Variants in AIG1 observed in about 807,000 individuals in gnomAD.
AIG1 encodes androgen-induced gene 1 protein.
Under a neutral mutation model 31.4 loss-of-function variants are expected in AIG1, and 23 were observed. The observed-to-expected ratio is 0.73, with a 90% CI of 0.53 to 1.04. The LOEUF is 1.04. Among genes scored for constraint, AIG1 ranks in the 50% least tolerant of loss-of-function variants. The probability of loss-of-function intolerance (pLI) is 0.00; values close to 1 mark genes in which losing one functional copy is unlikely to be tolerated. For synonymous variants in AIG1, 100 were observed against 110.5 expected, an observed-to-expected ratio of 0.90 and a Z score of 0.60; for missense variants, 274 against 295.0, an observed-to-expected ratio of 0.93 and a Z score of 0.52.
chr6:143,304,229 C>A (rs1181789294), intron 4 of AIG1, among the ~76,000 whole-genome samples: 1 of 151,578 alleles, frequency 6.6e-6, no homozygotes, highest in Non-Finnish European at 1.5e-5. Flanking sequence ...CCTTCTCCTG[C>A]CTAATTGCCC....
chr6:143,260,836 A>G (rs775893684), intron 3 of AIG1, among the ~76,000 whole-genome samples: 1 of 152,158 alleles, frequency 6.6e-6, no homozygotes, highest in Non-Finnish European at 1.5e-5. Flanking sequence ...TGGGCTTCCC[A>G]TCCCACAACT....
chr6:143,142,811 G>A (rs950656115), intron 2 of AIG1, among the ~76,000 whole-genome samples: 1 of 152,110 alleles, frequency 6.6e-6, no homozygotes, highest in African/African-American at 2.4e-5. Flanking sequence ...CTTGTAATGG[G>A]ACTGTATGGT....
chr6:143,196,126 G>A (rs1047876479), intron 3 of AIG1, among the ~76,000 whole-genome samples: 1 of 152,100 alleles, frequency 6.6e-6, no homozygotes, highest in African/African-American at 2.4e-5. Context: ...GGCCTTTGGT[G>A]CTCTTTCTAC....
At chr6:143,168,232 T>G (rs1308099407) in intron 3 of AIG1, among the ~76,000 whole-genome samples, 1 of 152,164 alleles carries the variant, frequency 6.6e-6, no homozygotes, top group Admixed American at 6.6e-5. Context: ...TATATGGAAA[T>G]AAGTCCATTC....
At chr6:143,149,532 C>CAAAAAA (rs71767812) in intron 2 of AIG1, among the ~76,000 whole-genome samples, 11 of 39,982 alleles carry the variant, frequency 2.8e-4, no homozygotes, top group African/African-American at 9.0e-4. Context: ...GACTCTGTCT[C>CAAAAAA]AAAAAAAAAA....
At chr6:143,164,331 T>G (rs1786711553) in intron 2 of AIG1, among the ~76,000 whole-genome samples, 1 of 152,202 alleles carries the variant, frequency 6.6e-6, no homozygotes, top group South Asian at 2.1e-4. Context: ...TTCATTATTT[T>G]ATCTGAACTT....
intron 1 of AIG1, among the ~76,000 whole-genome samples, chr6:143,107,178 C>G (rs781035498): frequency 1.3e-5 from 2 of 152,084 alleles, no homozygotes; most frequent in East Asian, 3.8e-4. Flanking sequence ...GTTTTTATAA[C>G]GTAGCACTGT....
intron 3 of AIG1, among the ~76,000 whole-genome samples, chr6:143,272,068 C>T (rs1796562918): frequency 6.6e-6 from 1 of 152,050 alleles, no homozygotes; most frequent in African/African-American, 2.4e-5. Flanking sequence ...GTAATTATAG[C>T]ATTATGTGGT....
chr6:143,238,085 C>T (rs370555102), intron 3 of AIG1, among the ~76,000 whole-genome samples: 23 of 152,264 alleles, frequency 1.5e-4, no homozygotes, highest in South Asian at 1.5e-3. Flanking sequence ...GGACTACAGG[C>T]GCCTACCACC....
chr6:143,239,613 A>C (rs574051960), intron 3 of AIG1, among the ~76,000 whole-genome samples: 47 of 152,264 alleles, frequency 3.1e-4, no homozygotes, highest in Admixed American at 1.3e-3. Flanking sequence ...TTCCACATCC[A>C]TGTTTATAAG....
chr6:143,103,729 G>C (rs1161166938), intron 1 of AIG1, among the ~76,000 whole-genome samples: 2 of 151,662 alleles, frequency 1.3e-5, no homozygotes, highest in African/African-American at 4.8e-5. Flanking sequence ...GGATGGTCTC[G>C]ATCTCCTGAC....
At chr6:143,231,520 G>A (rs1178783297) in intron 3 of AIG1, among the ~76,000 whole-genome samples, 1 of 152,056 alleles carries the variant, frequency 6.6e-6, no homozygotes, top group South Asian at 2.1e-4. Flanking sequence ...TCTCTTGGCT[G>A]AGGGAGCATG....
rs2128724284 is a variant in AIG1, at chr6:143,334,321, G to C, written c.679+876G>C. On this transcript the variant is annotated intron_variant, in intron 5 of 5. Transcript: ENST00000357847. The surrounding 1 kb of genome is among the most constrained non-coding windows in gnomAD (Gnocchi z 5.1). The stretch of plus-strand genomic sequence containing the variant: ...CCCAGTAAATGGACTCTGTGACACA[G>C]ACATTGAGCACCCTGCTTTGTGCCA... Among the ~76,000 whole-genome samples the C allele has an allele frequency of 6.6e-6, 1 of 152,348 alleles. No homozygotes were observed. Among genetic ancestry groups the C allele is most frequent in the African/African-American group, 2.4e-5 (1 of 41,580 alleles).
chr6:143,125,751 T>C (rs758762713), intron 1 of AIG1, among the ~76,000 whole-genome samples: 7 of 152,244 alleles, frequency 4.6e-5, no homozygotes, highest in African/African-American at 1.7e-4. Flanking sequence ...TTGCTACTTA[T>C]ATATTAAAAG....
chr6:143,138,725 C>T (rs1488843589), intron 2 of AIG1, among the ~76,000 whole-genome samples: 3 of 151,906 alleles, frequency 2.0e-5, no homozygotes, highest in African/African-American at 7.3e-5. Context: ...AACCCCATCT[C>T]TACTAAAAAT....
chr6:143,212,023 G>A (rs531878995), intron 3 of AIG1, among the ~76,000 whole-genome samples: 54 of 152,124 alleles, frequency 3.5e-4, no homozygotes, highest in Non-Finnish European at 6.5e-4. Flanking sequence ...ATTTGGGACC[G>A]GATAATTCTT....
intron 1 of AIG1, among the ~76,000 whole-genome samples, chr6:143,135,565 C>T (rs758890782): frequency 1.3e-5 from 2 of 152,006 alleles, no homozygotes; most frequent in Non-Finnish European, 2.9e-5. Flanking sequence ...GTCACTGAAG[C>T]TAAAGACAGG....
At chr6:143,319,263 G>C (rs1032080530) in intron 4 of AIG1, among the ~76,000 whole-genome samples, 7 of 151,956 alleles carry the variant, frequency 4.6e-5, no homozygotes, top group Admixed American at 3.9e-4. Flanking sequence ...AAGAAAATTT[G>C]GTATGTATAC....
At chr6:143,234,008 G>A (rs1045649411) in intron 3 of AIG1, among the ~76,000 whole-genome samples, 4 of 152,206 alleles carry the variant, frequency 2.6e-5, no homozygotes, top group Non-Finnish European at 4.4e-5. Context: ...CCTGTACTTT[G>A]GGTGAGATGC....
Sources: gnomAD v4.1 joint callset for allele counts (sites outside exome capture counted in the v4.1 genomes callset) on GRCh38, gnomAD v4.1.1 for gene constraint, Gnocchi (gnomAD v3.1) non-coding constraint, MANE v1.5 for transcripts, NCBI Gene and HGNC (gene_info 2026-07-23, HGNC 2026-07-21) for gene names.